Variants in KLHL2 observed in about 807,000 individuals in gnomAD.
KLHL2 encodes the protein kelch-like protein 2.
KLHL2 carries 15 observed loss-of-function variants against 75.8 expected under a neutral mutation model. The ratio of observed to expected loss-of-function variants is 0.20; its 90% confidence interval spans 0.13 to 0.30. KLHL2 has a LOEUF of 0.30. Among genes scored for constraint, KLHL2 ranks in the 10% least tolerant of loss-of-function variants. KLHL2 has a pLI of 1.00. For missense variants in KLHL2, 381 were observed against 741.0 expected, an observed-to-expected ratio of 0.51 and a Z score of 5.64; for synonymous variants, 214 against 251.9, an observed-to-expected ratio of 0.85 and a Z score of 1.42.
chr4:165,281,384 C>T (rs1401288429), intron 5 of KLHL2, among the ~76,000 whole-genome samples: 3 of 150,164 alleles, frequency 2.0e-5, no homozygotes, highest in Admixed American at 6.6e-5. Context: ...GGTGCGATCT[C>T]GGCTCACTGT....
chr4:165,316,768 G>T (rs919824826), intron 13 of KLHL2, among the ~76,000 whole-genome samples: 1 of 152,082 alleles, frequency 6.6e-6, no homozygotes, highest in African/African-American at 2.4e-5. Context: ...GTAAAAAAAT[G>T]ATTAAATAAA....
At chr4:165,307,458 T>G (rs1451350672) in intron 9 of KLHL2, among the ~76,000 whole-genome samples, 1 of 152,244 alleles carries the variant, frequency 6.6e-6, no homozygotes, top group Non-Finnish European at 1.5e-5. Flanking sequence ...AAACTAGAAA[T>G]TAGCATTGGC....
chr4:165,273,147 A>G (rs1405143408), intron 5 of KLHL2, among the ~76,000 whole-genome samples: 1 of 152,214 alleles, frequency 6.6e-6, no homozygotes, highest in Non-Finnish European at 1.5e-5. Flanking sequence ...TGTTTTAATT[A>G]TAACCTTCGT....
chr4:165,230,422 T>C (rs537135215), intron 3 of KLHL2, among the ~76,000 whole-genome samples: 2 of 152,318 alleles, frequency 1.3e-5, no homozygotes, highest in South Asian at 4.1e-4. Context: ...TGAGATCATA[T>C]GTGTGAATTT....
Position 165,313,329 on chromosome 4 carries a change from C to T in KLHL2, c.1431C>T (p.Thr477=), listed in dbSNP as rs1276916549. The T allele has an allele frequency of 6.4e-7, 1 of 1,567,256 alleles. No individual in the cohort carries two copies. The highest frequency in any genetic ancestry group is 8.6e-7 in the Non-Finnish European group (1 of 1,162,420). The stretch of plus-strand genomic sequence containing the variant: ...ATAATGCTACAACAAATGAGTGGAC[C>T]TATATAGCAGAAATGAGCACCAGGC... ...ECYNATTNEW[T]YIAEMSTRRS... The change falls in exon 12 of 15, where the codon ACC becomes ACT. Residue 477 remains threonine, a synonymous_variant. Transcript: ENST00000226725.
At chr4:165,310,777 T>C (rs947732328) in intron 10 of KLHL2, 27 bp downstream of exon 10, 1 of 1,546,760 alleles carries the variant, frequency 6.5e-7, no homozygotes, top group East Asian at 2.2e-5. Flanking sequence ...TTATTCTACA[T>C]TGCTGCTAAA....
intron 5 of KLHL2, among the ~76,000 whole-genome samples, chr4:165,289,453 T>C (rs1744334362): frequency 6.6e-6 from 1 of 151,760 alleles, no homozygotes; most frequent in Admixed American, 6.6e-5. Context: ...CAATGAAAGT[T>C]ACTTTTAATT....
chr4:165,313,611 C>T (rs1380438392), intron 12 of KLHL2, among the ~76,000 whole-genome samples: 2 of 152,104 alleles, frequency 1.3e-5, no homozygotes, highest in Non-Finnish European at 2.9e-5. Context: ...GTTGTTAGCA[C>T]TCCTTTTAGT....
chr4:165,307,310 A>AAAAC (rs572099291), intron 9 of KLHL2, among the ~76,000 whole-genome samples: 171 of 152,328 alleles, frequency 1.1e-3, no homozygotes, highest in Non-Finnish European at 1.9e-3. Context: ...TCCGTCTCAA[A>AAAAC]AAACAAACAA....
chr4:165,252,079 A>G (rs1009657303), intron 4 of KLHL2, among the ~76,000 whole-genome samples: 2 of 152,230 alleles, frequency 1.3e-5, no homozygotes, highest in African/African-American at 4.8e-5. Flanking sequence ...TGTGGTACAT[A>G]AAAGGCATTT....
At position 165,219,949 on chromosome 4, in the gene KLHL2, T is replaced by G; in HGVS notation, c.42T>G (p.Gly14=). ...PPLPPACTKQ[G]HQKPLDSKDD... is the part of the protein sequence containing the mutation. Reference sequence around the variant, plus strand: ...TTATGTACAGATGCACAAAGCAGGGTCATCAGAAGCCTCTCGATTCAAAAG... The same window carrying G: ...TTATGTACAGATGCACAAAGCAGGGGCATCAGAAGCCTCTCGATTCAAAAG... Residue 14 remains glycine (G), a synonymous_variant, in exon 2 of 15, where the codon GGT becomes GGG. Transcript: ENST00000226725. 6.2e-7 allele frequency: 1 copy of G among 1,613,400 alleles called. No individual in the cohort carries two copies. Among genetic ancestry groups the G allele is most frequent in the Non-Finnish European group, 8.5e-7 (1 of 1,179,666 alleles).
chr4:165,208,585 A>G (rs1736999825), intron 1 of KLHL2: 1 of 152,150 alleles, frequency 6.6e-6, no homozygotes. Context: ...CAACAGAATT[A>G]CTTTCTAGAA....
intron 8 of KLHL2, among the ~76,000 whole-genome samples, chr4:165,304,208 T>G (rs1215053749): frequency 6.6e-6 from 1 of 152,166 alleles, no homozygotes; most frequent in African/African-American, 2.4e-5. Context: ...TGAAAAAAAT[T>G]ATGTAGTTGG....
At chr4:165,305,569 T>C (rs1745668305) in intron 8 of KLHL2, 39 bp from the exon 9 acceptor site, 3 of 1,457,240 alleles carry the variant, frequency 2.1e-6, no homozygotes, top group Non-Finnish European at 1.9e-6. Context: ...GAATATGTAA[T>C]AGTCATTTGT....
chr4:165,318,341 A>G (rs1036319018), intron 14 of KLHL2, among the ~76,000 whole-genome samples: 2 of 152,182 alleles, frequency 1.3e-5, no homozygotes, highest in African/African-American at 4.8e-5. Flanking sequence ...ATGAGATAGT[A>G]TTATAGTGAG....
chr4:165,265,685 T>C (rs991615061), intron 5 of KLHL2, among the ~76,000 whole-genome samples: 2 of 152,182 alleles, frequency 1.3e-5, no homozygotes, highest in Non-Finnish European at 1.5e-5. Flanking sequence ...TAGTATTCCA[T>C]GGTGTATATG....
rs545512410 is a variant in KLHL2 at position 165,315,526 on chromosome 4, CAAT to C, written c.1609+1361_1609+1363del. 1.9e-4 allele frequency among the ~76,000 whole-genome samples: 29 copies of C among 152,248 alleles called. No individual in the cohort carries two copies. In the South Asian group the frequency reaches 5.6e-3, roughly 29 times the overall value. ...TTTCAGTTTGTTTTTCCTTCTCAAT[CAAT>C]GATGTTTATTTTCTATGCAAATAAC... On this transcript the variant is annotated intron_variant, in intron 13 of 14. Coordinates refer to ENST00000226725, the MANE Select transcript of KLHL2 (RefSeq NM_007246.4).
At chr4:165,213,360 T>A (rs1737329332) in intron 1 of KLHL2, among the ~76,000 whole-genome samples, 1 of 152,218 alleles carries the variant, frequency 6.6e-6, no homozygotes, top group Non-Finnish European at 1.5e-5. Flanking sequence ...GTCACAGCCT[T>A]TCATCATTTT....
At chr4:165,275,127 A>ATTTTT (rs1180674130) in intron 5 of KLHL2, among the ~76,000 whole-genome samples, 8 of 151,508 alleles carry the variant, frequency 5.3e-5, no homozygotes, top group Non-Finnish European at 1.2e-4. Flanking sequence ...ATTTTATTTT[A>ATTTTT]TTTTATTTTA....
Sources: allele counts gnomAD v4.1 joint callset (sites outside exome capture counted in the v4.1 genomes callset), GRCh38; gene constraint gnomAD v4.1.1; transcripts MANE v1.5; gene names NCBI Gene and HGNC (gene_info 2026-07-23, HGNC 2026-07-21).